The following MCTP2 variants were observed in gnomAD, a reference collection of about 807,000 sequenced individuals.
MCTP2 encodes the protein multiple C2 and transmembrane domain containing 2.
MCTP2 carries 132 observed loss-of-function variants against 111.6 expected under a neutral mutation model. That is an observed-to-expected ratio of 1.18 (90% CI 1.03 to 1.37). The LOEUF (loss-of-function observed/expected upper bound fraction) is 1.37. Among genes scored for constraint, MCTP2 ranks in the 40% most tolerant of loss-of-function variants. The pLI, the probability that MCTP2 is intolerant of heterozygous loss-of-function variation, is 0.00. For missense variants in MCTP2, 1,183 were observed against 1,067.9 expected (o/e 1.11, Z -1.50); for synonymous variants, 395 against 387.7 (o/e 1.02, Z -0.22).
At chr15:94,267,842 TG>T (rs748724243) in intron 1 of MCTP2, among the ~76,000 whole-genome samples, 191 of 150,564 alleles carry the variant, frequency 1.3e-3, no homozygotes, top group Non-Finnish European at 2.2e-3. Flanking sequence ...TGTAATGGCA[TG>T]GGTCTGGATT....
At chr15:94,346,906 C>CT (rs35636669) in intron 8 of MCTP2, among the ~76,000 whole-genome samples, 6 of 151,630 alleles carry the variant, frequency 4.0e-5, no homozygotes, top group Non-Finnish European at 7.4e-5. Flanking sequence ...AGCTGTTTGT[C>CT]TTTTTTTTGC....
chr15:94,367,505 GT>G, intron 10 of MCTP2, 99 bp from the exon 11 acceptor site: 1 of 936,236 alleles, frequency 1.1e-6, no homozygotes, highest in Non-Finnish European at 1.6e-6. Context: ...GACAGAGTGA[GT>G]TTTGGGGGAT....
At chr15:94,447,225 T>TAAGTC (rs970106671) in intron 19 of MCTP2, among the ~76,000 whole-genome samples, 1 of 152,184 alleles carries the variant, frequency 6.6e-6, no homozygotes, top group African/African-American at 2.4e-5. Context: ...ATGATGTGGT[T>TAAGTC]AAGTCCACTG....
At chr15:94,412,673 A>G (rs1179428988) in intron 17 of MCTP2, among the ~76,000 whole-genome samples, 4 of 152,120 alleles carry the variant, frequency 2.6e-5, no homozygotes, top group Non-Finnish European at 5.9e-5. Flanking sequence ...TAAGGAATAG[A>G]GTATTGCTTC....
intron 1 of MCTP2, among the ~76,000 whole-genome samples, chr15:94,291,669 T>G (rs535771292): frequency 3.3e-5 from 5 of 152,030 alleles, no homozygotes; most frequent in Non-Finnish European, 5.9e-5. Flanking sequence ...AAGAGGAAGT[T>G]TCAAGATAAA....
intron 1 of MCTP2, among the ~76,000 whole-genome samples, chr15:94,263,648 C>G (rs2073334613): frequency 6.6e-6 from 1 of 152,154 alleles, no homozygotes; most frequent in African/African-American, 2.4e-5. Flanking sequence ...AGTCACCAAC[C>G]AAAAGCACAA....
Position 94,243,109 on chromosome 15 carries a change from G to A in MCTP2, c.-66+11445G>A, listed in dbSNP as rs532657139. Among the ~76,000 whole-genome samples, 19 of 139,680 alleles carry A rather than the reference G, an allele frequency of 1.4e-4. 2 individuals are homozygous for A. The South Asian group carries it at 3.7e-3, about 27-fold the overall frequency. 91.6% of individuals were successfully genotyped at this position (139,680 alleles called of 152,430 possible). On this transcript the variant is annotated intron_variant, in intron 1 of 22. Transcript: ENST00000357742. ...CATATACGTGTATATGTGTATCTAC[G>A]GGTGTGTATATATGTATCTACGGGT...
intron 1 of MCTP2, among the ~76,000 whole-genome samples, chr15:94,263,614 C>T (rs1329291580): frequency 6.6e-6 from 1 of 152,166 alleles, no homozygotes; most frequent in Admixed American, 6.5e-5. Context: ...CAGCTTTATG[C>T]TAGGGAACCA....
intron 22 of MCTP2, among the ~76,000 whole-genome samples, chr15:94,477,685 G>A (rs981483176): frequency 6.6e-6 from 1 of 152,170 alleles, no homozygotes; most frequent in African/African-American, 2.4e-5. Flanking sequence ...TGGCAGCTCA[G>A]GGAGGATTTC....
At chr15:94,392,838 CAAA>C (rs1004062019) in intron 14 of MCTP2, among the ~76,000 whole-genome samples, 5 of 148,568 alleles carry the variant, frequency 3.4e-5, no homozygotes, top group Non-Finnish European at 7.4e-5. Context: ...AACAAACAAA[CAAA>C]AAAAAACAAA....
intron 1 of MCTP2, among the ~76,000 whole-genome samples, chr15:94,241,050 G>T (rs906890932): frequency 6.6e-6 from 1 of 152,076 alleles, no homozygotes; most frequent in Non-Finnish European, 1.5e-5. Context: ...GGATGTTTTG[G>T]TTATCGTGGT....
intron 2 of MCTP2, among the ~76,000 whole-genome samples, chr15:94,308,079 G>A (rs2075967974): frequency 1.3e-5 from 2 of 152,124 alleles, no homozygotes; most frequent in South Asian, 2.1e-4. Flanking sequence ...ACATCTATTT[G>A]GTTTCCTCTG....
At chr15:94,390,132 A>G (rs61171596) in intron 14 of MCTP2, among the ~76,000 whole-genome samples, 46,589 of 89,342 alleles carry the variant, frequency 0.52, 11,189 homozygotes, top group East Asian at 0.76. Flanking sequence ...ATATATATAT[A>G]CTTAGATGTT....
chr15:94,423,657 A>G (rs565979710), intron 17 of MCTP2, among the ~76,000 whole-genome samples: 10 of 152,278 alleles, frequency 6.6e-5, no homozygotes, highest in African/African-American at 2.4e-4. Context: ...GAATTTAGAT[A>G]TGTGTGTGCG....
In MCTP2 at chr15:94,281,805, T is replaced by A. The variant is rs139939493; in HGVS notation, c.-65-16396T>A. On this transcript the variant is annotated intron_variant, in intron 1 of 22. Transcript: ENST00000357742. ...GTCTGAAAAGGATTTTATATCTCCT[T>A]CAGTTTTGAAGCTTAGTTTGGCTGG... Among the ~76,000 whole-genome samples the A allele has an allele frequency of 2.7e-3, 410 of 152,298 alleles. 3 individuals are homozygous for A. The highest frequency in any genetic ancestry group is 9.5e-3 in the African/African-American group (395 of 41,556).
chr15:94,463,283 T>C (rs571825939), intron 20 of MCTP2, among the ~76,000 whole-genome samples: 1 of 152,094 alleles, frequency 6.6e-6, no homozygotes, highest in Non-Finnish European at 1.5e-5. Context: ...TTTATCTCAT[T>C]ATTATTTTAG....
rs111833531 is a variant in MCTP2, at chr15:94,298,752, C to CT, written c.465+31dup. 1.5e-3 allele frequency: 2,225 copies of CT among 1,461,602 alleles called. 24 individuals carry two copies. The African/African-American group carries it at 0.024, about 16-fold the overall frequency. The allele number at this position is 1,461,602 out of a possible 1,614,324, so 90.5% of individuals were successfully genotyped here. On this transcript the variant is annotated intron_variant, in intron 2 of 22. Coordinates refer to ENST00000357742, the MANE Select transcript of MCTP2 (RefSeq NM_001385001.1). ...AGAGGTGAGAATAGGGCTGGGCTCT[C>CT]TTTTTTTTTGTCTCTCTCTCTCTCT...
In MCTP2 at chr15:94,433,345, A is replaced by T. The variant is rs558964442; in HGVS notation, c.2086-6831A>T. Among the ~76,000 whole-genome samples the T allele has an allele frequency of 1.3e-4, 20 of 152,284 alleles. No individual in the cohort carries two copies. The South Asian group carries it at 4.1e-3, about 32-fold the overall frequency. On this transcript the variant is annotated intron_variant, in intron 17 of 22. Transcript: ENST00000357742. ...TTTAAGGCGATTTTTTTGAAATTAC[A>T]CCTACTGGTCGCTGCTGCACCTATG...
At chr15:94,272,379 A>G (rs2073951713) in intron 1 of MCTP2, among the ~76,000 whole-genome samples, 1 of 152,220 alleles carries the variant, frequency 6.6e-6, no homozygotes, top group Non-Finnish European at 1.5e-5. Flanking sequence ...CACTGTAGCC[A>G]GAGAAGCACG....
Sources: allele counts gnomAD v4.1 joint callset (sites outside exome capture counted in the v4.1 genomes callset), GRCh38; gene constraint gnomAD v4.1.1; transcripts MANE v1.5; gene names NCBI Gene and HGNC (gene_info 2026-07-23, HGNC 2026-07-21).